CSPG4: variants seen among roughly 807,000 people sequenced by gnomAD.
CSPG4 encodes chondroitin sulfate proteoglycan 4, also known as chondroitin sulfate proteoglycan 4 (melanoma-associated).
Under a neutral mutation model 139.3 loss-of-function variants are expected in CSPG4, and 74 were observed. The ratio of observed to expected loss-of-function variants is 0.53; its 90% CI spans 0.44 to 0.64. The LOEUF is 0.64. CSPG4 is among the 30% of genes least tolerant of loss of function. The pLI, the probability that CSPG4 is intolerant of heterozygous loss-of-function variation, is 0.00. For synonymous variants in CSPG4, 1,234 were observed against 1,394.2 expected (o/e 0.89, Z 2.56); for missense variants, 2,565 against 3,148.3 (o/e 0.81, Z 4.43).
At chr15:75,690,950 G>A (rs1213267250) in intron 2 of CSPG4, 138 bp from the exon 3 acceptor site, 16 of 898,938 alleles carry the variant, frequency 1.8e-5, no homozygotes, top group South Asian at 3.7e-5. Context: ...CAAGGCAGGC[G>A]GATCACCTGA....
chr15:75,693,931 G>A (rs528901134), intron 1 of CSPG4, among the ~76,000 whole-genome samples: 1 of 152,352 alleles, frequency 6.6e-6, no homozygotes, highest in African/African-American at 2.4e-5. Context: ...GAGGCCAGAT[G>A]GGGACCATGT....
In CSPG4 at chr15:75,689,203, A is replaced by G. The variant is rs781061321; in HGVS notation, c.1862T>C (p.Leu621Ser). 1.1e-5 allele frequency: 17 copies of G among 1,608,008 alleles called. No homozygotes were observed. The East Asian group carries it at 2.5e-4, about 23-fold the overall frequency. Reference protein sequence around the residue: ...EPATEFSCRELEAGSLVYVHR... With the variant: ...EPATEFSCRESEAGSLVYVHR... The stretch of plus-strand genomic sequence containing the variant: ...GACATAGACTAGGCTGCCGGCCTCC[A>G]ACTCCCGGCAGGAGAACTCGGTCGC... The change falls in exon 3 of 10, where the codon TTG becomes TCG. Residue 621 changes from leucine to serine, a missense_variant. By Grantham distance (145) the Leu-to-Ser change is moderately radical. Coordinates refer to ENST00000308508, the MANE Select transcript of CSPG4 (RefSeq NM_001897.5).
Position 75,676,115 on chromosome 15 carries a change from G to T in CSPG4, c.6404C>A (p.Pro2135His). Residue 2135 changes from proline (P) to histidine (H), a missense_variant, in exon 10 of 10, where the codon CCC (proline) becomes CAC (histidine). Coordinates refer to ENST00000308508, the MANE Select transcript of CSPG4 (RefSeq NM_001897.5). ...LEVGRPEGRA[P>H]GPAGDSLTLE... ...AGTGAGACTGTCACCTGCGGGGCCG[G>T]GGGCCCTCCCCTCTGGCCTGCCCAC... The T allele has an allele frequency of 6.5e-7, 1 of 1,536,360 alleles. No homozygotes were observed. The highest frequency in any genetic ancestry group is 1.2e-5 in the South Asian group (1 of 84,504).
In CSPG4 at chr15:75,696,739, C is replaced by T. The variant is rs1419826496; in HGVS notation, c.89-3506G>A. 6.6e-6 allele frequency among the ~76,000 whole-genome samples: 1 copy of T among 152,172 alleles called. No homozygotes were observed. The highest frequency in any genetic ancestry group is 1.9e-4 in the East Asian group (1 of 5,186). On this transcript the variant is annotated intron_variant, in intron 1 of 9. Transcript: ENST00000308508. The surrounding 1 kb of genome is among the most constrained non-coding windows in gnomAD (Gnocchi z 4.2). ...ACCCTTCCTCCCCATAAACAGGGCACTGCTGTCTGGGCCTGAGGGTGGGGT... is the reference window on the plus strand; with the variant it reads ...ACCCTTCCTCCCCATAAACAGGGCATTGCTGTCTGGGCCTGAGGGTGGGGT...
Position 75,688,658 on chromosome 15 carries a change from T to A in CSPG4, c.2407A>T (p.Thr803Ser). Residue 803 changes from threonine (T) to serine (S), a missense_variant, in exon 3 of 10, where the codon ACC becomes TCC. Thr to Ser is a moderately conservative substitution (Grantham distance 58, BLOSUM62 1). Transcript: ENST00000308508. ...HTQNTQQETL[T>S]TAHLEATLEE... ...AGGGTGGCCTCCAGGTGGGCTGTGG[T>A]GAGGGTCTCCTGCTGGGTGTTCTGA... 6.2e-7 allele frequency: 1 copy of A among 1,612,316 alleles called. No individual in the cohort carries two copies. Among genetic ancestry groups the A allele is most frequent in the African/African-American group, 1.3e-5 (1 of 75,008 alleles).
In CSPG4 at chr15:75,674,625, C is replaced by A; in HGVS notation, c.*925G>T. 1 of 398,664 alleles carries A rather than the reference C, an allele frequency of 2.5e-6. No individual in the cohort carries two copies. The highest frequency in any genetic ancestry group is 1.3e-4 in the South Asian group (1 of 7,680). 24.7% of individuals were successfully genotyped at this position (398,664 alleles called of 1,614,324 possible). On this transcript the variant is annotated 3_prime_UTR_variant, in exon 10 of 10. Coordinates refer to ENST00000308508, the MANE Select transcript of CSPG4 (RefSeq NM_001897.5). Reference sequence around the variant, plus strand: ...AAGACACAAACACCACACAGCTGTCCAGAGCCTCCAAAGCACTGTTTATCC... The same window carrying A: ...AAGACACAAACACCACACAGCTGTCAAGAGCCTCCAAAGCACTGTTTATCC...
At chr15:75,707,411 A>T (rs1894388108) in intron 1 of CSPG4, among the ~76,000 whole-genome samples, 1 of 152,248 alleles carries the variant, frequency 6.6e-6, no homozygotes, top group African/African-American at 2.4e-5. Flanking sequence ...ATATCTCACT[A>T]TATATAACAA....
chr15:75,712,890 G>A (rs1346046010), upstream of CSPG4: 3 of 670,722 alleles, frequency 4.5e-6, no homozygotes, highest in Non-Finnish European at 7.1e-6. Flanking sequence ...CCGGGGGCGG[G>A]GCAGGCGCAG....
rs1894132709 is a variant in CSPG4, at chr15:75,689,755, A to C, written c.1310T>G (p.Leu437Arg). The C allele has an allele frequency of 6.2e-7, 1 of 1,612,566 alleles. No individual in the cohort carries two copies. Among genetic ancestry groups the C allele is most frequent in the African/African-American group, 1.3e-5 (1 of 74,936 alleles). The change falls in exon 3 of 10, where the codon CTG becomes CGG. Residue 437 changes from leucine to arginine, a missense_variant. Physicochemically the swap from Leu to Arg is moderately radical, Grantham distance 102. Around this residue, in one of 5 missense-constraint regions of CSPG4, gnomAD observed 2,316 missense variants for 2,818.2 expected, o/e 0.82. Coordinates refer to ENST00000308508, the MANE Select transcript of CSPG4 (RefSeq NM_001897.5). ...NFTQLLTISP[L>R]VVAEGGTAWL... ...GGCTGTGCCCCCCTCGGCCACCACC[A>C]GTGGGCTGATAGTCAGCAGCTGGGT...
rs202137970 is a variant in CSPG4 at position 75,689,115 on chromosome 15, G to C, written c.1950C>G (p.Pro650=). ...TGGCCACCACCTTCAGCGTGGCCGG[G>C]GGGCTGGCCTGCAGTCCATCGCTGA... ...FRVSDGLQAS[P]PATLKVVAIR... Residue 650 remains proline, a synonymous_variant, in exon 3 of 10, where the codon CCC becomes CCG. Coordinates refer to ENST00000308508, the MANE Select transcript of CSPG4 (RefSeq NM_001897.5). 1 of 1,602,616 alleles carries C rather than the reference G, an allele frequency of 6.2e-7. No individual in the cohort carries two copies. Among genetic ancestry groups the C allele is most frequent in the African/African-American group, 1.3e-5 (1 of 74,908 alleles).
rs1596005253 is a variant in CSPG4 at position 75,677,046 on chromosome 15, C to T, written c.5473G>A (p.Val1825Met). The T allele has an allele frequency of 7.0e-7, 1 of 1,425,594 alleles. No individual in the cohort carries two copies. The highest frequency in any genetic ancestry group is 9.2e-7 in the Non-Finnish European group (1 of 1,083,102). The allele number at this position is 1,425,594 out of a possible 1,614,324, so 88.3% of individuals were successfully genotyped here. Residue 1825 changes from valine to methionine, a missense_variant, in exon 10 of 10, where the codon GTG becomes ATG. This residue lies in a region of CSPG4 where 2,316 missense variants were observed against 2,818.2 expected (regional missense o/e 0.82). Transcript: ENST00000308508. ...GGGGGCCGCTCATTTACATCCCTCA[C>T]CGTGATGGCAAAGGCCTCTGAGGTT... The part of the protein sequence containing the change: ...PQTSEAFAIT[V>M]RDVNERPPQP...
chr15:75,711,859 G>A (rs982417397), intron 1 of CSPG4, among the ~76,000 whole-genome samples: 2 of 152,202 alleles, frequency 1.3e-5, no homozygotes, highest in African/African-American at 4.8e-5. Flanking sequence ...CTGGCATCGG[G>A]ACAGAGAGGG....
In CSPG4 at chr15:75,675,522, C is replaced by A. The variant is rs376493350; in HGVS notation, c.*28G>T. The A allele has an allele frequency of 6.8e-7, 1 of 1,467,204 alleles. No individual in the cohort carries two copies. Among genetic ancestry groups the A allele is most frequent in the Non-Finnish European group, 9.0e-7 (1 of 1,108,228 alleles). The allele number at this position is 1,467,204 out of a possible 1,614,324, so 90.9% of individuals were successfully genotyped here. A position where few individuals can be genotyped will look rare whatever the true frequency, so the allele number is the denominator to read the frequency against. ...GACATGGGCAAGCCTGTCCCTGGCC[C>A]GATCAGCATCTGGGCCCAGGCCAGG... is the stretch of plus-strand genomic sequence containing the variant. On this transcript the variant is annotated 3_prime_UTR_variant, in exon 10 of 10. Coordinates refer to ENST00000308508, the MANE Select transcript of CSPG4 (RefSeq NM_001897.5).
At chr15:75,710,449 G>A (rs1249625592) in intron 1 of CSPG4, among the ~76,000 whole-genome samples, 1 of 152,106 alleles carries the variant, frequency 6.6e-6, no homozygotes, top group Non-Finnish European at 1.5e-5. Context: ...AGGCCCCGAC[G>A]CAGGCTGGGA....
At chr15:75,702,518 G>T (rs1419914410) in intron 1 of CSPG4, among the ~76,000 whole-genome samples, 2 of 152,236 alleles carry the variant, frequency 1.3e-5, no homozygotes, top group African/African-American at 4.8e-5. Context: ...TGGGAGGAAA[G>T]GAGGGAGGGG....
chr15:75,680,527 T>C (rs1444905691), intron 8 of CSPG4: 1 of 152,538 alleles, frequency 6.6e-6, no homozygotes, highest in Non-Finnish European at 1.5e-5. Flanking sequence ...CAGTGGCAAC[T>C]TCTGGCCCAG....
At chr15:75,695,764 G>A (rs1011223779) in intron 1 of CSPG4, among the ~76,000 whole-genome samples, 9 of 152,116 alleles carry the variant, frequency 5.9e-5, no homozygotes, top group African/African-American at 1.4e-4. Flanking sequence ...AGGAGGTCAC[G>A]GTGGTGTACA....
intron 8 of CSPG4, chr15:75,680,296 C>T (rs1304746727): frequency 2.0e-5 from 3 of 152,202 alleles, no homozygotes; most frequent in Non-Finnish European, 4.4e-5. Context: ...GAAGGAGAGC[C>T]GAGCTATCTG....
chr15:75,690,106 C>G lies in CSPG4; in HGVS notation c.959G>C (p.Gly320Ala). 1 of 1,612,632 alleles carries G rather than the reference C, an allele frequency of 6.2e-7. No individual in the cohort carries two copies. The highest frequency in any genetic ancestry group is 8.5e-7 in the Non-Finnish European group (1 of 1,179,790). ...ATCCAGCCCCCCGAGAAGGAGACTG[C>G]CCCGTGGCTCCAGGTAGCTGAGGAC... ...RGVLSYLEPR[G>A]SLLLGGLDAE... The change falls in exon 3 of 10, where the codon GGC (glycine) becomes GCC (alanine). Residue 320 changes from glycine (G) to alanine (A), a missense_variant. By Grantham distance (60) the Gly-to-Ala change is moderately conservative (BLOSUM62 0). Around this residue, in one of 5 missense-constraint regions of CSPG4, gnomAD observed 2,316 missense variants for 2,818.2 expected, o/e 0.82. Coordinates refer to ENST00000308508, the MANE Select transcript of CSPG4 (RefSeq NM_001897.5).
Sources: allele counts gnomAD v4.1 joint callset (sites outside exome capture counted in the v4.1 genomes callset), GRCh38; gene constraint gnomAD v4.1.1; regional missense constraint gnomAD v4.1.1; non-coding constraint Gnocchi (gnomAD v3.1); transcripts MANE v1.5; gene names NCBI Gene and HGNC (gene_info 2026-07-23, HGNC 2026-07-21).